The following SMYD3 variants were observed in gnomAD, a reference collection of about 807,000 sequenced individuals.
SMYD3 encodes the protein histone-lysine N-methyltransferase SMYD3.
Under a neutral mutation model 57.7 loss-of-function variants are expected in SMYD3, and 36 were observed. That is an observed-to-expected ratio of 0.62 (90% confidence interval 0.48 to 0.82). SMYD3 has a LOEUF of 0.82. Among genes scored for constraint, SMYD3 ranks in the 40% least tolerant of loss-of-function variants. The probability of loss-of-function intolerance (pLI) is 0.00; values close to 1 mark genes in which losing one functional copy is unlikely to be tolerated. For synonymous variants in SMYD3, 211 were observed against 195.0 expected (o/e 1.08, Z -0.68); for missense variants, 515 against 538.8 (o/e 0.96, Z 0.44).
intron 5 of SMYD3, among the ~76,000 whole-genome samples, chr1:246,267,693 G>A (rs1449550057): frequency 6.6e-6 from 1 of 152,160 alleles, no homozygotes; most frequent in East Asian, 1.9e-4. Context: ...CATCTTCTGA[G>A]TCTCTCTTGC....
intron 5 of SMYD3, among the ~76,000 whole-genome samples, chr1:246,247,467 A>C (rs1770021): frequency 0.49 from 58,953 of 120,442 alleles, 12,586 homozygotes; most frequent in Middle Eastern, 0.66. Flanking sequence ...CTCTCTCTCT[A>C]TATATATATA....
chr1:246,172,800 A>G (rs566822542), intron 5 of SMYD3, among the ~76,000 whole-genome samples: 17 of 146,268 alleles, frequency 1.2e-4, no homozygotes, highest in Admixed American at 5.4e-4. Flanking sequence ...AACACTGTAC[A>G]CTTAGGCTAC....
At chr1:245,945,001 G>T (rs2057384143) in intron 5 of SMYD3, among the ~76,000 whole-genome samples, 1 of 151,972 alleles carries the variant, frequency 6.6e-6, no homozygotes, top group East Asian at 1.9e-4. Context: ...ATGGATTAAA[G>T]ACATAAATAT....
At chr1:246,016,419 C>T (rs932684733) in intron 5 of SMYD3, among the ~76,000 whole-genome samples, 2 of 150,486 alleles carry the variant, frequency 1.3e-5, no homozygotes, top group Non-Finnish European at 3.0e-5. Context: ...CCAGTCTCTA[C>T]TAAAAATACA....
intron 10 of SMYD3, among the ~76,000 whole-genome samples, chr1:245,824,117 G>C (rs1044351563): frequency 6.6e-6 from 1 of 152,216 alleles, no homozygotes; most frequent in African/African-American, 2.4e-5. Flanking sequence ...GTGTCTGAAA[G>C]CATCAGGGCC....
At chr1:246,252,571 A>G (rs2063815109) in intron 5 of SMYD3, among the ~76,000 whole-genome samples, 1 of 152,200 alleles carries the variant, frequency 6.6e-6, no homozygotes, top group Non-Finnish European at 1.5e-5. Context: ...CCATGTATTT[A>G]TTAAAAGTAG....
chr1:246,349,285 T>C (rs989232864), intron 2 of SMYD3, among the ~76,000 whole-genome samples: 13 of 152,224 alleles, frequency 8.5e-5, no homozygotes, highest in Non-Finnish European at 1.6e-4. Context: ...TGTATGTTTA[T>C]GTATAAGCTA....
chr1:246,135,834 C>A (rs1014966224), intron 5 of SMYD3, among the ~76,000 whole-genome samples: 1 of 152,156 alleles, frequency 6.6e-6, no homozygotes, highest in East Asian at 1.9e-4. Flanking sequence ...TCATCTAGTT[C>A]AAACTCTAAT....
rs372326629 is a variant in SMYD3, at chr1:246,236,291, C to T, written c.531+90910G>A. 1.6e-4 allele frequency among the ~76,000 whole-genome samples: 25 copies of T among 152,118 alleles called. No homozygotes were observed. The South Asian group carries it at 3.1e-3, about 19-fold the overall frequency. ...TGTTGCCGAGGCTGGCATGCCGTGGCGCAATAATAGCTCACTGCAGCCTCA... is the reference window on the plus strand; with the variant it reads ...TGTTGCCGAGGCTGGCATGCCGTGGTGCAATAATAGCTCACTGCAGCCTCA... On this transcript the variant is annotated intron_variant, in intron 5 of 11. Coordinates refer to ENST00000490107, the MANE Select transcript of SMYD3 (RefSeq NM_001167740.2).
In SMYD3 at chr1:245,797,683, G is replaced by T. The variant is rs113905743; in HGVS notation, c.1077-33534C>A. On this transcript the variant is annotated intron_variant, in intron 10 of 11. Coordinates refer to ENST00000490107, the MANE Select transcript of SMYD3 (RefSeq NM_001167740.2). ...AGAACTTAAAGTATAATTATATATA[G>T]ATAGATAGATAGATATAAAGAAAAG... Among the ~76,000 whole-genome samples the T allele has an allele frequency of 6.9e-4, 104 of 150,022 alleles. 1 individual carries two copies. The highest frequency in any genetic ancestry group is 2.4e-3 in the African/African-American group (95 of 39,692).
intron 1 of SMYD3, among the ~76,000 whole-genome samples, chr1:246,363,096 C>T (rs562255270): frequency 6.6e-5 from 10 of 151,550 alleles, no homozygotes; most frequent in African/African-American, 1.9e-4. Flanking sequence ...AGGTGAGGAG[C>T]GTCTCTGCCT....
chr1:246,170,678 T>C (rs193114215), intron 5 of SMYD3, among the ~76,000 whole-genome samples: 292 of 152,282 alleles, frequency 1.9e-3, no homozygotes, highest in African/African-American at 6.9e-3. Context: ...TTGTTCATTT[T>C]TGTCAAATGG....
intron 10 of SMYD3, among the ~76,000 whole-genome samples, chr1:245,769,008 T>C (rs958631294): frequency 6.6e-6 from 1 of 152,198 alleles, no homozygotes; most frequent in Non-Finnish European, 1.5e-5. Flanking sequence ...TTACTGAACC[T>C]GAAAGGAGAA....
chr1:245,887,301 AG>A (rs1211399744), intron 8 of SMYD3, among the ~76,000 whole-genome samples: 2 of 152,208 alleles, frequency 1.3e-5, no homozygotes, highest in African/African-American at 4.8e-5. Flanking sequence ...TGGCAACGTC[AG>A]GAAGTTACCC....
At chr1:245,937,500 C>A (rs188460615) in intron 5 of SMYD3, among the ~76,000 whole-genome samples, 163 of 152,326 alleles carry the variant, frequency 1.1e-3, no homozygotes, top group Admixed American at 2.0e-3. Context: ...TCTGATGAAA[C>A]AAGCACTTAC....
chr1:246,282,308 A>C (rs2064463101), intron 5 of SMYD3, among the ~76,000 whole-genome samples: 13 of 25,468 alleles, frequency 5.1e-4, no homozygotes, highest in Non-Finnish European at 9.0e-4. Context: ...ATCTCTACAA[A>C]AAAAAAAAAA....
At chr1:246,481,904 C>T (rs1572043954) in intron 1 of SMYD3, among the ~76,000 whole-genome samples, 1 of 151,648 alleles carries the variant, frequency 6.6e-6, no homozygotes, top group African/African-American at 2.4e-5. Flanking sequence ...CACTTGCAAT[C>T]CCAGCACTTT....
At chr1:246,068,144 G>A (rs1362303777) in intron 5 of SMYD3, among the ~76,000 whole-genome samples, 1 of 152,178 alleles carries the variant, frequency 6.6e-6, no homozygotes, top group Non-Finnish European at 1.5e-5. Flanking sequence ...AGGTATGTTT[G>A]GAGGAAGGAG....
At chr1:246,327,919 C>T (rs930981188) in intron 4 of SMYD3, among the ~76,000 whole-genome samples, 3 of 152,242 alleles carry the variant, frequency 2.0e-5, no homozygotes, top group African/African-American at 2.4e-5. Context: ...AGGAGCCTGG[C>T]GCCGTGACTC....
Sources: allele counts gnomAD v4.1 joint callset (sites outside exome capture counted in the v4.1 genomes callset), GRCh38; gene constraint gnomAD v4.1.1; transcripts MANE v1.5; gene names NCBI Gene and HGNC (gene_info 2026-07-23, HGNC 2026-07-21).